IP6K1: variants seen among roughly 807,000 people sequenced by gnomAD.
IP6K1 encodes ATP:1D-myo-inositol-hexakisphosphate phosphotransferase.
IP6K1 carries 13 observed loss-of-function variants against 38.3 expected under a neutral mutation model. The ratio of observed to expected loss-of-function variants is 0.34; its 90% CI spans 0.22 to 0.54. The LOEUF is 0.54. Ranked by LOEUF, IP6K1 falls within the 20% of genes least tolerant of loss-of-function variation. IP6K1 has a pLI of 0.92. For missense variants in IP6K1, 397 were observed against 599.8 expected (o/e 0.66, Z 3.53); for synonymous variants, 212 against 229.9 (o/e 0.92, Z 0.70).
chr3:49,774,143 T>C (rs1407611450), intron 1 of IP6K1, among the ~76,000 whole-genome samples: 1 of 152,022 alleles, frequency 6.6e-6, no homozygotes, highest in Non-Finnish European at 1.5e-5. Context: ...CAGTGGCTCA[T>C]GCCTGTAATC....
At position 49,727,391 on chromosome 3, in the gene IP6K1, G is replaced by C; in HGVS notation, c.1057C>G (p.Arg353Gly). The C allele has an allele frequency of 6.2e-7, 1 of 1,614,042 alleles. No individual in the cohort carries two copies. The highest frequency in any genetic ancestry group is 8.5e-7 in the Non-Finnish European group (1 of 1,180,018). Residue 353 changes from arginine to glycine, a missense_variant, in exon 6 of 6, where the codon CGG (arginine) becomes GGG (glycine). By Grantham distance (125) the Arg-to-Gly change is moderately radical. This residue lies in a region of IP6K1 where 164 missense variants were observed against 213.5 expected (regional missense o/e 0.77). Coordinates refer to ENST00000321599, the MANE Select transcript of IP6K1 (RefSeq NM_153273.4). The surrounding 1 kb of genome is among the most constrained non-coding windows in gnomAD (Gnocchi z 5.9). Reference sequence around the variant, plus strand: ...AGGTGCTTGAGACGCATCTCAGACCGGCGGTCCAGGCAGGACTCAGCCCGG... The same window carrying C: ...AGGTGCTTGAGACGCATCTCAGACCCGCGGTCCAGGCAGGACTCAGCCCGG... ...ECRAESCLDR[R>G]SEMRLKHLDM...
intron 2 of IP6K1, among the ~76,000 whole-genome samples, chr3:49,745,981 A>G (rs544084419): frequency 6.6e-6 from 1 of 152,350 alleles, no homozygotes; most frequent in African/African-American, 2.4e-5. Context: ...TTCGTTAGAC[A>G]TTAGGAAAAA....
rs746288742 is a variant in IP6K1, at chr3:49,727,414, C to A, written c.1034G>T (p.Arg345Leu). The A allele has an allele frequency of 3.1e-6, 5 of 1,613,830 alleles. No homozygotes were observed. Among genetic ancestry groups the A allele is most frequent in the Admixed American group, 1.7e-5 (1 of 59,996 alleles). ...CCGGCGGTCCAGGCAGGACTCAGCC[C>A]GGCACTCCTTGCCATCATAGATGAC... Reference protein sequence around the residue: ...LLVIYDGKECRAESCLDRRSE... With the variant: ...LLVIYDGKECLAESCLDRRSE... Residue 345 changes from arginine to leucine, a missense_variant, in exon 6 of 6, where the codon CGG becomes CTG. Transcript: ENST00000321599. This position sits in a 1 kb window ranked among gnomAD's most constrained non-coding sequence, Gnocchi z 5.9.
At chr3:49,732,026 TC>T (rs1189208242) in intron 4 of IP6K1, among the ~76,000 whole-genome samples, 1 of 152,000 alleles carries the variant, frequency 6.6e-6, no homozygotes, top group African/African-American at 2.4e-5. Context: ...AGTCTCGACT[TC>T]CTGGGCTCAA....
chr3:49,762,929 G>A (rs1160360875), intron 1 of IP6K1, among the ~76,000 whole-genome samples: 3 of 151,682 alleles, frequency 2.0e-5, no homozygotes, highest in African/African-American at 4.8e-5. Flanking sequence ...GCACAACCAC[G>A]CCCAGCTAAT....
chr3:49,727,965 C>T lies in IP6K1; in HGVS notation c.792+138G>A, dbSNP rs973326347. 2.9e-5 allele frequency: 24 copies of T among 824,458 alleles called. No individual in the cohort carries two copies. The highest frequency in any genetic ancestry group is 3.7e-5 in the Non-Finnish European group (19 of 512,858). 51.1% of individuals were successfully genotyped at this position (824,458 alleles called of 1,614,324 possible). A position where few individuals can be genotyped will look rare whatever the true frequency, so the allele number is the denominator to read the frequency against. ...AGCAGACTCTCACAGTGGTCCTGCA[C>T]CTGAGGCCCATATCAAAGTCAACAG... is the stretch of plus-strand genomic sequence containing the variant. On this transcript the variant is annotated intron_variant, in intron 5 of 5. Coordinates refer to ENST00000321599, the MANE Select transcript of IP6K1 (RefSeq NM_153273.4). The surrounding 1 kb of genome is among the most constrained non-coding windows in gnomAD (Gnocchi z 5.9).
chr3:49,770,232 C>G (rs554853210), intron 1 of IP6K1, among the ~76,000 whole-genome samples: 1 of 152,260 alleles, frequency 6.6e-6, no homozygotes, highest in African/African-American at 2.4e-5. Context: ...CTGTTTTAAA[C>G]TGCTAAGTTT....
chr3:49,729,764 C>CT (rs1480960719), intron 4 of IP6K1, among the ~76,000 whole-genome samples: 2 of 148,176 alleles, frequency 1.3e-5, no homozygotes, highest in Non-Finnish European at 3.0e-5. Context: ...GAGTCTCACT[C>CT]TGTTGCCCAG....
At chr3:49,750,723 T>C (rs943087770) in intron 1 of IP6K1, among the ~76,000 whole-genome samples, 25 of 151,442 alleles carry the variant, frequency 1.7e-4, no homozygotes, top group Non-Finnish European at 3.1e-4. Context: ...AAAATTGAAA[T>C]AGCCCTTCCC....
At position 49,728,411 on chromosome 3, in the gene IP6K1, G is replaced by A. The variant is rs1200050626; in HGVS notation, c.617-133C>T. 5.4e-6 allele frequency: 4 copies of A among 743,748 alleles called. No homozygotes were observed. The Admixed American group carries it at 1.1e-4, about 21-fold the overall frequency. The allele number at this position is 743,748 out of a possible 1,614,324, so 46.1% of individuals were successfully genotyped here. ...ACTTGTCTCAAACTCTCAAATATGG[G>A]TTTCACACCACTGGCTTATTACTTA... On this transcript the variant is annotated intron_variant, in intron 4 of 5. Transcript: ENST00000321599.
At chr3:49,746,908 TG>T (rs2080725580) in intron 2 of IP6K1, among the ~76,000 whole-genome samples, 1 of 152,108 alleles carries the variant, frequency 6.6e-6, no homozygotes. Context: ...GATGGAAGAA[TG>T]GGGAGTTATT....
chr3:49,760,340 G>A (rs1455557459), intron 1 of IP6K1, among the ~76,000 whole-genome samples: 2 of 152,142 alleles, frequency 1.3e-5, no homozygotes, highest in Non-Finnish European at 2.9e-5. Context: ...CAGACAGGTG[G>A]AGGCTGGACG....
intron 2 of IP6K1, among the ~76,000 whole-genome samples, chr3:49,742,743 A>G (rs919482572): frequency 6.0e-5 from 9 of 150,484 alleles, no homozygotes; most frequent in Non-Finnish European, 1.3e-4. Context: ...TACAAAATAC[A>G]AAAAAAAAGA....
In IP6K1 at chr3:49,779,492, T is replaced by C. The variant is rs564202687; in HGVS notation, c.-129+6862A>G. ...CTTGGGTAGATAGCCAGGAGGGAGA[T>C]TGCTGGGTCATATGGTAACTCTATG... On this transcript the variant is annotated intron_variant, in intron 1 of 5. Coordinates refer to ENST00000321599, the MANE Select transcript of IP6K1 (RefSeq NM_153273.4). 1.1e-4 allele frequency among the ~76,000 whole-genome samples: 16 copies of C among 152,236 alleles called. No homozygotes were observed. In the South Asian group the frequency reaches 1.5e-3, roughly 14 times the overall value.
intron 1 of IP6K1, among the ~76,000 whole-genome samples, chr3:49,749,921 T>C (rs1019865870): frequency 2.7e-5 from 4 of 149,644 alleles, no homozygotes; most frequent in African/African-American, 9.8e-5. Context: ...TCAAGGCAAC[T>C]CTGCCCCAGG....
intron 2 of IP6K1, among the ~76,000 whole-genome samples, chr3:49,744,057 C>G (rs971952382): frequency 6.6e-6 from 1 of 151,908 alleles, no homozygotes; most frequent in Non-Finnish European, 1.5e-5. Flanking sequence ...TGTTGTCTGC[C>G]TAATGGTGAC....
intron 1 of IP6K1, among the ~76,000 whole-genome samples, chr3:49,763,128 G>A (rs1470254807): frequency 7.1e-6 from 1 of 141,806 alleles, no homozygotes; most frequent in Non-Finnish European, 1.5e-5. Flanking sequence ...TTTTGAGACG[G>A]AGTCTCGCTC....
rs1322969162 is a variant in IP6K1 at position 49,732,871 on chromosome 3, C to CTGATCTT, written c.529_535dup (p.Ser179LysfsTer35). On this transcript the variant is annotated frameshift_variant, in exon 4 of 6. Coordinates refer to ENST00000321599, the MANE Select transcript of IP6K1 (RefSeq NM_153273.4). LOFTEE classifies it high-confidence loss of function. Reference sequence around the variant, plus strand: ...ACAACGCAGGCTCCAGGGGTTGTGGCTGATCTTCTCAGAACTCAAGCCACT... The same window carrying CTGATCTT: ...ACAACGCAGGCTCCAGGGGTTGTGGCTGATCTTTGATCTTCTCAGAACTCAAGCCACT... 1.2e-6 allele frequency: 2 copies of CTGATCTT among 1,614,004 alleles called. No individual in the cohort carries two copies. Among genetic ancestry groups the CTGATCTT allele is most frequent in the Non-Finnish European group, 8.5e-7 (1 of 1,180,026 alleles).
At chr3:49,732,433 G>T (rs184316186) in intron 4 of IP6K1, among the ~76,000 whole-genome samples, 2 of 152,132 alleles carry the variant, frequency 1.3e-5, no homozygotes, top group Non-Finnish European at 2.9e-5. Flanking sequence ...CACATGTGAT[G>T]ATTTAAATTT....
Sources: allele counts gnomAD v4.1 joint callset (sites outside exome capture counted in the v4.1 genomes callset), GRCh38; gene constraint gnomAD v4.1.1; regional missense constraint gnomAD v4.1.1; non-coding constraint Gnocchi (gnomAD v3.1); transcripts MANE v1.5; gene names NCBI Gene and HGNC (gene_info 2026-07-23, HGNC 2026-07-21).